NUP188: variants seen among roughly 807,000 people sequenced by gnomAD.
NUP188 encodes the protein nucleoporin 188, also known as nucleoporin NUP188.
A neutral mutation model predicts 223.0 loss-of-function variants in NUP188; 97 were observed. That is an observed-to-expected ratio of 0.43 (90% confidence interval 0.37 to 0.51). NUP188 has a LOEUF of 0.51. Ranked by LOEUF, NUP188 falls within the 20% of genes least tolerant of loss-of-function variation. NUP188 has a pLI of 0.00. For synonymous variants in NUP188, 869 were observed against 828.0 expected, an observed-to-expected ratio of 1.05 and a Z score of -0.85; for missense variants, 1,947 against 2,175.6, an observed-to-expected ratio of 0.89 and a Z score of 2.09.
chr9:128,951,510 T>C (rs1841785705), intron 2 of NUP188, among the ~76,000 whole-genome samples: 2 of 152,114 alleles, frequency 1.3e-5, no homozygotes, highest in African/African-American at 4.8e-5. Context: ...CACCACAACA[T>C]CATTTATATT....
rs10988172 is a variant in NUP188, at chr9:128,998,707, G to C, written c.3515+84G>C. Reference sequence around the variant, plus strand: ...TGCCTTCCTGAAAGGGAGAAATAGTGGGTGGAAGCTGGGCTGGTTTTCCAT... The same window carrying C: ...TGCCTTCCTGAAAGGGAGAAATAGTCGGTGGAAGCTGGGCTGGTTTTCCAT... On this transcript the variant is annotated intron_variant, in intron 32 of 43. Coordinates refer to ENST00000372577, the MANE Select transcript of NUP188 (RefSeq NM_015354.3). The C allele has an allele frequency of 1.3e-5, 15 of 1,117,624 alleles. No individual in the cohort carries two copies. In the African/African-American group the frequency reaches 2.0e-4, roughly 15 times the overall value. The allele number at this position is 1,117,624 out of a possible 1,614,324, so 69.2% of individuals were successfully genotyped here.
chr9:128,976,257 A>C (rs1274736561), intron 12 of NUP188, among the ~76,000 whole-genome samples: 1 of 152,226 alleles, frequency 6.6e-6, no homozygotes, highest in Non-Finnish European at 1.5e-5. Flanking sequence ...AGTATCCTGA[A>C]AACTAAATCA....
At chr9:128,971,690 T>A (rs1842107294) in intron 11 of NUP188, among the ~76,000 whole-genome samples, 1 of 152,202 alleles carries the variant, frequency 6.6e-6, no homozygotes, top group African/African-American at 2.4e-5. Context: ...AGTGCTGGGA[T>A]TACAGGCGTG....
intron 2 of NUP188, among the ~76,000 whole-genome samples, chr9:128,952,445 G>A (rs903934322): frequency 4.6e-5 from 7 of 151,048 alleles, no homozygotes; most frequent in Admixed American, 1.3e-4. Context: ...ATTTGCGGTC[G>A]GGTGCCTTGG....
At chr9:128,983,786 C>T (rs144550421) in intron 19 of NUP188, among the ~76,000 whole-genome samples, 6 of 152,012 alleles carry the variant, frequency 3.9e-5, no homozygotes, top group Non-Finnish European at 8.8e-5. Flanking sequence ...CGAGCCACCA[C>T]GCCCAGCTAA....
At chr9:128,968,803 G>A (rs1175407848) in intron 9 of NUP188, 86 bp downstream of exon 9, 1 of 1,025,402 alleles carries the variant, frequency 9.8e-7, no homozygotes, top group Non-Finnish European at 1.5e-6. Flanking sequence ...GGGGGTAGGT[G>A]TACTTTTCAC....
intron 30 of NUP188, among the ~76,000 whole-genome samples, chr9:128,996,722 A>G (rs947989939): frequency 6.6e-6 from 1 of 152,248 alleles, no homozygotes; most frequent in Non-Finnish European, 1.5e-5. Flanking sequence ...TTTAGGCCCT[A>G]GTTAGGCAGC....
At chr9:129,003,186 C>T in intron 37 of NUP188, 131 bp from the exon 38 acceptor site, 1 of 1,227,090 alleles carries the variant, frequency 8.1e-7, no homozygotes, top group South Asian at 1.4e-5. Context: ...CCTGGTTGTA[C>T]CACTAAGCCA....
Position 128,958,995 on chromosome 9 carries a change from ACT to A in NUP188, c.466-17_466-16del. ...TTACCTTTTATTCTAGGTATAATTT[ACT>A]CTTTTGATTTTTTAAAGGTTGAATA... On this transcript the variant is annotated intron_variant, in intron 7 of 43. Transcript: ENST00000372577. The A allele has an allele frequency of 4.0e-6, 6 of 1,502,086 alleles. No homozygotes were observed. Among genetic ancestry groups the A allele is most frequent in the Non-Finnish European group, 5.4e-6 (6 of 1,105,058 alleles). The allele number at this position is 1,502,086 out of a possible 1,614,324, so 93.0% of individuals were successfully genotyped here. A position where few individuals can be genotyped will look rare whatever the true frequency, so the allele number is the denominator to read the frequency against.
At chr9:128,993,444 T>TGGG (rs1394949660) in intron 26 of NUP188, 41 bp downstream of exon 26, 2 of 1,612,044 alleles carry the variant, frequency 1.2e-6, no homozygotes, top group South Asian at 2.2e-5. Context: ...GTTGGCTCAC[T>TGGG]GGGAGGCAGA....
chr9:128,957,599 GGAC>G (rs1236132916), intron 5 of NUP188, among the ~76,000 whole-genome samples: 1 of 152,044 alleles, frequency 6.6e-6, no homozygotes, highest in East Asian at 1.9e-4. Context: ...CAAGTAGCTG[GGAC>G]TATAGGCGCC....
intron 2 of NUP188, among the ~76,000 whole-genome samples, chr9:128,951,317 A>AG (rs1165030598): frequency 6.6e-6 from 1 of 151,698 alleles, no homozygotes; most frequent in African/African-American, 2.4e-5. Flanking sequence ...AAAAAAAAAA[A>AG]AAAAAAAAAG....
intron 8 of NUP188, among the ~76,000 whole-genome samples, chr9:128,967,756 C>T (rs1237804350): frequency 6.6e-6 from 1 of 151,560 alleles, no homozygotes; most frequent in Non-Finnish European, 1.5e-5. Context: ...CGCCATTGCA[C>T]TCCAGCCTGG....
chr9:128,964,376 T>C, intron 8 of NUP188: 1 of 266,808 alleles, frequency 3.7e-6, no homozygotes, highest in South Asian at 3.4e-5. Context: ...TTTTTTTTTT[T>C]TTTGAGACAA....
intron 19 of NUP188, among the ~76,000 whole-genome samples, chr9:128,984,553 C>G (rs1842306202): frequency 6.6e-6 from 1 of 152,204 alleles, no homozygotes; most frequent in Non-Finnish European, 1.5e-5. Context: ...CACAATCACT[C>G]TGTACTTTTT....
chr9:128,959,162 C>CA, intron 8 of NUP188, 28 bp downstream of exon 8: 2 of 1,234,612 alleles, frequency 1.6e-6, no homozygotes, highest in Non-Finnish European at 2.2e-6. Context: ...TCTCCTGTAA[C>CA]TTTTTTTTTT....
chr9:128,970,112 G>A (rs1209521510), intron 10 of NUP188, among the ~76,000 whole-genome samples: 5 of 152,116 alleles, frequency 3.3e-5, no homozygotes, highest in Non-Finnish European at 7.4e-5. Context: ...ATTTTTAATA[G>A]AGATGGGGTT....
intron 37 of NUP188, 72 bp from the exon 38 acceptor site, chr9:129,003,245 A>G: frequency 1.3e-6 from 2 of 1,538,264 alleles, no homozygotes; most frequent in East Asian, 2.3e-5. Flanking sequence ...GCCTCTCCAC[A>G]GGAGGGTAGG....
chr9:128,963,814 G>GTT (rs201498395), intron 8 of NUP188, among the ~76,000 whole-genome samples: 9 of 140,394 alleles, frequency 6.4e-5, no homozygotes, highest in Non-Finnish European at 3.1e-5. Context: ...CTTATTGTGG[G>GTT]TTTTTTTTTT....
Sources: gnomAD v4.1 joint callset for allele counts (sites outside exome capture counted in the v4.1 genomes callset) on GRCh38, gnomAD v4.1.1 for gene constraint, MANE v1.5 for transcripts, NCBI Gene and HGNC (gene_info 2026-07-23, HGNC 2026-07-21) for gene names.